CDON: variants seen among roughly 807,000 people sequenced by gnomAD.
CDON encodes cell adhesion associated, oncogene regulated, also known as cell adhesion molecule-related/down-regulated by oncogenes.
CDON carries 73 observed loss-of-function variants against 120.9 expected under a neutral mutation model. That is an observed-to-expected ratio of 0.60 (90% CI 0.50 to 0.73). CDON has a LOEUF of 0.73. Among genes scored for constraint, CDON ranks in the 30% least tolerant of loss-of-function variants. The pLI is 0.00. For synonymous variants in CDON, 566 were observed against 573.5 expected (o/e 0.99, Z 0.19); for missense variants, 1,470 against 1,587.3 (o/e 0.93, Z 1.26).
intron 8 of CDON, among the ~76,000 whole-genome samples, chr11:126,008,755 TA>T (rs1947203199): frequency 6.6e-6 from 1 of 152,202 alleles, no homozygotes; most frequent in Non-Finnish European, 1.5e-5. Flanking sequence ...GGAATAGAAA[TA>T]TAAACACACA....
chr11:126,006,081 A>C, intron 8 of CDON, 24 bp from the exon 9 acceptor site: 2 of 1,605,898 alleles, frequency 1.2e-6, no homozygotes, highest in Non-Finnish European at 1.7e-6. Context: ...GAGAGGAGAC[A>C]GCTTGAAGAT....
upstream of CDON, chr11:126,063,305 A>T (rs891176242): frequency 2.6e-5 from 4 of 151,950 alleles, no homozygotes; most frequent in Non-Finnish European, 4.4e-5. Context: ...CTCTTCTGGC[A>T]GGTCTCCAAA....
At chr11:126,008,572 G>C (rs994351983) in intron 8 of CDON, among the ~76,000 whole-genome samples, 2 of 152,136 alleles carry the variant, frequency 1.3e-5, no homozygotes, top group Admixed American at 1.3e-4. Flanking sequence ...TATTTAAGGT[G>C]AGGAAGTTCG....
chr11:125,980,710 C>T (rs1293078448), intron 17 of CDON, among the ~76,000 whole-genome samples: 1 of 152,190 alleles, frequency 6.6e-6, no homozygotes, highest in African/African-American at 2.4e-5. Flanking sequence ...TCGGCATTTG[C>T]ATTTTCAAGA....
chr11:125,972,467 C>T (rs1021060337), intron 18 of CDON, among the ~76,000 whole-genome samples: 1 of 151,906 alleles, frequency 6.6e-6, no homozygotes, highest in Non-Finnish European at 1.5e-5. Flanking sequence ...AAAAAGGATT[C>T]AAGGTCATGG....
Position 126,018,968 on chromosome 11 carries a change from T to C in CDON, c.497-495A>G, listed in dbSNP as rs562298417. Among the ~76,000 whole-genome samples the C allele has an allele frequency of 2.6e-5, 4 of 152,292 alleles. No individual in the cohort carries two copies. In the East Asian group the frequency reaches 7.7e-4, roughly 29 times the overall value. ...TCAAGGCAGAATAGAAAAAAAAGTC[T>C]ACAGAACTAGCATAGCAAACCAAAC... On this transcript the variant is annotated intron_variant, in intron 4 of 19. Transcript: ENST00000531738.
At chr11:126,048,967 T>TC in intron 1 of CDON, among the ~76,000 whole-genome samples, 1 of 152,152 alleles carries the variant, frequency 6.6e-6, no homozygotes, top group African/African-American at 2.4e-5. Context: ...CCTTCCAAAA[T>TC]GCTGGGATTA....
rs1945592795 is a variant in CDON at position 125,959,902 on chromosome 11, A to G, written c.*1040T>C. On this transcript the variant is annotated 3_prime_UTR_variant, in exon 20 of 20. Coordinates refer to ENST00000531738, the MANE Select transcript of CDON (RefSeq NM_001378964.1). ...TCCGAGAAACAGTCAAAAAGAGCCCATAGTGGCCATTTTATAAATTAATGT... is the reference window on the plus strand; with the variant it reads ...TCCGAGAAACAGTCAAAAAGAGCCCGTAGTGGCCATTTTATAAATTAATGT... The G allele has an allele frequency of 2.0e-5, 3 of 152,172 alleles. No homozygotes were observed. Among genetic ancestry groups the G allele is most frequent in the Admixed American group, 1.3e-4 (2 of 15,284 alleles). 9.4% of individuals were successfully genotyped at this position (152,172 alleles called of 1,614,324 possible).
intron 6 of CDON, 74 bp from the exon 7 acceptor site, chr11:126,015,584 ATCT>A: frequency 6.9e-7 from 1 of 1,451,300 alleles, no homozygotes; most frequent in African/African-American, 1.4e-5. Context: ...AGTGATAAAA[ATCT>A]TCTCTCTACC....
At chr11:125,984,462 C>T (rs1946404707) in intron 15 of CDON, among the ~76,000 whole-genome samples, 3 of 152,106 alleles carry the variant, frequency 2.0e-5, no homozygotes, top group South Asian at 4.1e-4. Flanking sequence ...TTTGGGAGGC[C>T]GAGGTGAGCA....
At chr11:125,971,898 C>T (rs1946010203) in intron 18 of CDON, among the ~76,000 whole-genome samples, 1 of 152,210 alleles carries the variant, frequency 6.6e-6, no homozygotes, top group Non-Finnish European at 1.5e-5. Flanking sequence ...TGATAAGCCA[C>T]ATTTAATTAC....
intron 15 of CDON, among the ~76,000 whole-genome samples, chr11:125,985,728 C>T (rs1032470606): frequency 2.9e-4 from 44 of 152,296 alleles, no homozygotes; most frequent in Middle Eastern, 6.8e-3. Context: ...CTCATCATCT[C>T]TGGTCATCAA....
intron 9 of CDON, chr11:126,005,315 A>AC (rs1441261529): frequency 2.7e-4 from 8 of 29,250 alleles, no homozygotes; most frequent in East Asian, 9.1e-4. Flanking sequence ...AAAAAAAAAA[A>AC]AAACAAACAA....
chr11:126,044,583 G>A (rs1948354486), intron 1 of CDON, among the ~76,000 whole-genome samples: 1 of 152,184 alleles, frequency 6.6e-6, no homozygotes, highest in Non-Finnish European at 1.5e-5. Context: ...CTTGTCATTT[G>A]CAAAAACATG....
In CDON at chr11:126,005,900, G is replaced by A. The variant is rs186773948; in HGVS notation, c.1710C>T (p.Asn570=). Residue 570 remains asparagine (N), a synonymous_variant, in exon 9 of 20, where the codon AAC becomes AAT. Transcript: ENST00000531738. ...CATCAGGAACAGAGATGCCGCTGGC[G>A]TTTTTCTCTGGTGCTGATTCCACTG... ...PSAVESAPEK[N]ASGISVPDAP... 28 of 1,614,100 alleles carry A rather than the reference G, an allele frequency of 1.7e-5. No homozygotes were observed. The highest frequency in any genetic ancestry group is 1.1e-4 in the South Asian group (10 of 91,078).
intron 1 of CDON, among the ~76,000 whole-genome samples, chr11:126,038,674 T>A (rs187692390): frequency 1.3e-3 from 198 of 151,734 alleles, no homozygotes; most frequent in African/African-American, 4.6e-3. Context: ...AAAAAAAGAA[T>A]CTCTGGTTAT....
chr11:126,011,547 CTT>C (rs942189003), intron 7 of CDON, among the ~76,000 whole-genome samples: 2 of 151,978 alleles, frequency 1.3e-5, no homozygotes, highest in Admixed American at 1.3e-4. Flanking sequence ...TGTGAAATGC[CTT>C]TGTCAGTTTT....
intron 1 of CDON, among the ~76,000 whole-genome samples, chr11:126,030,368 A>C (rs936849009): frequency 6.6e-6 from 1 of 152,206 alleles, no homozygotes; most frequent in East Asian, 1.9e-4. Flanking sequence ...CTTTGCTTTC[A>C]TAAGGATGAT....
At chr11:126,022,098 C>T (rs117051833) in intron 2 of CDON, among the ~76,000 whole-genome samples, 17,649 of 102,856 alleles carry the variant, frequency 0.17, 1,286 homozygotes, top group Middle Eastern at 0.34. Context: ...GGAGACCCTG[C>T]TTCAAAAAAA....
Sources: allele counts gnomAD v4.1 joint callset (sites outside exome capture counted in the v4.1 genomes callset), GRCh38; gene constraint gnomAD v4.1.1; transcripts MANE v1.5; gene names NCBI Gene and HGNC (gene_info 2026-07-23, HGNC 2026-07-21).